Variants in PEMT observed in about 807,000 individuals in gnomAD.
PEMT encodes phosphatidylethanolamine N-methyltransferase, also known as phospholipid methyltransferase.
A neutral mutation model predicts 27.4 loss-of-function variants in PEMT; 23 were observed. The observed-to-expected ratio is 0.84, with a 90% CI of 0.60 to 1.19. The LOEUF is 1.19. Ranked by LOEUF, PEMT falls within the 50% of genes most tolerant of loss-of-function variation. The pLI, the probability that PEMT is intolerant of heterozygous loss-of-function variation, is 0.00. For synonymous variants in PEMT, 137 were observed against 139.1 expected, an observed-to-expected ratio of 0.98 and a Z score of 0.11; for missense variants, 307 against 310.1, an observed-to-expected ratio of 0.99 and a Z score of 0.07.
chr17:17,559,378 G>A lies in PEMT; in HGVS notation c.204+17542C>T, dbSNP rs80023682. On this transcript the variant is annotated intron_variant, in intron 2 of 6. Coordinates refer to ENST00000255389, the MANE Select transcript of PEMT (RefSeq NM_148172.3). ...CTCACAGAGGCTAACTGACCTGCTC[G>A]AGGCAGGCAGAACAGGACTGGAAGC... 0.01 allele frequency among the ~76,000 whole-genome samples: 1,553 copies of A among 152,332 alleles called. 30 individuals are homozygous for A. In the East Asian group the frequency reaches 0.11, roughly 11 times the overall value.
chr17:17,526,206 C>T (rs566366371), intron 2 of PEMT, among the ~76,000 whole-genome samples: 81 of 152,220 alleles, frequency 5.3e-4, no homozygotes, highest in African/African-American at 1.9e-3. Flanking sequence ...CCCCAAATGC[C>T]GGCTCCTTTT....
intron 2 of PEMT, among the ~76,000 whole-genome samples, chr17:17,558,810 C>G (rs1347436474): frequency 6.6e-6 from 1 of 152,082 alleles, no homozygotes; most frequent in African/African-American, 2.4e-5. Flanking sequence ...AACAAGGTCC[C>G]TTCCAGCCGA....
At chr17:17,533,994 G>A (rs1171383131) in intron 2 of PEMT, among the ~76,000 whole-genome samples, 1 of 152,064 alleles carries the variant, frequency 6.6e-6, no homozygotes, top group African/African-American at 2.4e-5. Context: ...GGCCTCGCAA[G>A]GGATTACAGA....
intron 2 of PEMT, among the ~76,000 whole-genome samples, chr17:17,555,897 TC>T (rs1910017631): frequency 6.6e-6 from 1 of 152,238 alleles, no homozygotes; most frequent in Non-Finnish European, 1.5e-5. Flanking sequence ...CCTGGGCTTC[TC>T]CTCCAGGTCT....
At chr17:17,581,435 G>C (rs1567753653) in intron 1 of PEMT, among the ~76,000 whole-genome samples, 1 of 152,220 alleles carries the variant, frequency 6.6e-6, no homozygotes, top group Non-Finnish European at 1.5e-5. Context: ...GCCTGAGCAA[G>C]GCCAGCCCTA....
At chr17:17,570,897 C>T in intron 2 of PEMT, 1 of 985,340 alleles carries the variant, frequency 1.0e-6, no homozygotes, top group Non-Finnish European at 1.2e-6. Flanking sequence ...CATCCTGGTC[C>T]TTGGACCACT....
chr17:17,524,476 G>C (rs542196974), intron 2 of PEMT, among the ~76,000 whole-genome samples: 1 of 151,930 alleles, frequency 6.6e-6, no homozygotes, highest in Admixed American at 6.6e-5. Flanking sequence ...CTTCAGGGGT[G>C]GGGGACACTG....
intron 1 of PEMT, 139 bp downstream of exon 1, chr17:17,591,392 A>AC: frequency 4.1e-6 from 2 of 490,914 alleles, no homozygotes; most frequent in African/African-American, 2.2e-5. Context: ...CGGCTCCCCC[A>AC]CCCCCGCCAC....
intron 2 of PEMT, among the ~76,000 whole-genome samples, chr17:17,559,535 G>C (rs1910314826): frequency 6.6e-6 from 1 of 152,238 alleles, no homozygotes; most frequent in South Asian, 2.1e-4. Context: ...CCAGCACTGA[G>C]CTCCTTGAAA....
At chr17:17,553,335 G>A (rs1909799077) in intron 2 of PEMT, among the ~76,000 whole-genome samples, 1 of 152,224 alleles carries the variant, frequency 6.6e-6, no homozygotes. Flanking sequence ...CTGCGGGGAT[G>A]CAGGGCGCCT....
intron 3 of PEMT, among the ~76,000 whole-genome samples, chr17:17,521,565 A>T (rs2011840): frequency 0.99 from 147,973 of 149,974 alleles, 73,009 homozygotes; most frequent in South Asian, 1. Flanking sequence ...GCTTTCTTTT[A>T]AAAAAAAAAA....
intron 2 of PEMT, among the ~76,000 whole-genome samples, chr17:17,538,251 C>T (rs942901461): frequency 1.3e-5 from 2 of 152,242 alleles, no homozygotes; most frequent in Admixed American, 6.5e-5. Flanking sequence ...TCTCCAAAGA[C>T]GATGGCCACC....
intron 2 of PEMT, among the ~76,000 whole-genome samples, chr17:17,544,210 C>A (rs1909087288): frequency 1.3e-5 from 2 of 152,042 alleles, no homozygotes; most frequent in Admixed American, 6.5e-5. Flanking sequence ...ATGGAGGCAC[C>A]CAGACAGTGA....
intron 2 of PEMT, among the ~76,000 whole-genome samples, chr17:17,556,849 A>C (rs1192473791): frequency 1.3e-5 from 2 of 152,138 alleles, no homozygotes; most frequent in Non-Finnish European, 2.9e-5. Context: ...TGGGGAAATC[A>C]AATGCGTCTG....
chr17:17,545,457 T>C (rs774706152), intron 2 of PEMT, among the ~76,000 whole-genome samples: 1 of 152,188 alleles, frequency 6.6e-6, no homozygotes, highest in Non-Finnish European at 1.5e-5. Context: ...CCTCCTCTTG[T>C]GGCCGCCGTC....
chr17:17,532,975 C>T (rs1567691388), intron 2 of PEMT, among the ~76,000 whole-genome samples: 2 of 152,150 alleles, frequency 1.3e-5, no homozygotes, highest in African/African-American at 2.4e-5. Context: ...TGCAGTGAGC[C>T]GAGATCGTGC....
intron 2 of PEMT, among the ~76,000 whole-genome samples, chr17:17,545,874 G>A (rs1269983399): frequency 1.3e-5 from 2 of 152,146 alleles, no homozygotes; most frequent in African/African-American, 4.8e-5. Flanking sequence ...TTTTCTGTAT[G>A]CTTAAAATTT....
chr17:17,540,644 C>T (rs564956149), intron 2 of PEMT, among the ~76,000 whole-genome samples: 1 of 152,302 alleles, frequency 6.6e-6, no homozygotes, highest in East Asian at 1.9e-4. Context: ...CAGGCAGGCT[C>T]CGCCCCTCCC....
At chr17:17,565,864 T>C (rs907817819) in intron 2 of PEMT, among the ~76,000 whole-genome samples, 1 of 152,272 alleles carries the variant, frequency 6.6e-6, no homozygotes, top group Non-Finnish European at 1.5e-5. Flanking sequence ...CTGGGAGCAG[T>C]GGCTGAAAGA....
Sources: allele counts gnomAD v4.1 joint callset (sites outside exome capture counted in the v4.1 genomes callset), GRCh38; gene constraint gnomAD v4.1.1; transcripts MANE v1.5; gene names NCBI Gene and HGNC (gene_info 2026-07-23, HGNC 2026-07-21).